ADAMTS9: variants seen among roughly 807,000 people sequenced by gnomAD.
ADAMTS9 encodes A disintegrin and metalloproteinase with thrombospondin motifs 9.
Under a neutral mutation model 257.1 loss-of-function variants are expected in ADAMTS9, and 107 were observed. The observed-to-expected ratio is 0.42, with a 90% CI of 0.36 to 0.49. The LOEUF is 0.49. Among genes scored for constraint, ADAMTS9 ranks in the 20% least tolerant of loss-of-function variants. ADAMTS9 has a pLI of 0.03. For synonymous variants in ADAMTS9, 982 were observed against 880.9 expected (o/e 1.11, Z -2.03); for missense variants, 2,353 against 2,469.1 (o/e 0.95, Z 1.00).
chr3:64,674,560 C>T (rs1377817884), intron 3 of ADAMTS9, among the ~76,000 whole-genome samples: 1 of 152,188 alleles, frequency 6.6e-6, no homozygotes, highest in East Asian at 1.9e-4. Flanking sequence ...TTGCCAAGTA[C>T]ACAGTTCCTT....
intron 21 of ADAMTS9, 24 bp downstream of exon 21, chr3:64,615,297 G>A: frequency 3.7e-6 from 6 of 1,610,520 alleles, no homozygotes; most frequent in African/African-American, 1.3e-5. Context: ...TGACCTAGGG[G>A]AAATAACAGC....
intron 29 of ADAMTS9, chr3:64,563,474 A>G (rs950372032): frequency 7.0e-6 from 1 of 143,174 alleles, no homozygotes; most frequent in Non-Finnish European, 1.6e-5. Context: ...ATGTTTTAAT[A>G]ACCTAAAGAA....
At chr3:64,653,200 C>T (rs1011175888) in intron 8 of ADAMTS9, among the ~76,000 whole-genome samples, 3 of 152,122 alleles carry the variant, frequency 2.0e-5, no homozygotes, top group African/African-American at 7.2e-5. Context: ...GATCAAGTCC[C>T]ACCGCCACTA....
intron 3 of ADAMTS9, among the ~76,000 whole-genome samples, chr3:64,675,446 G>A (rs1168585861): frequency 6.6e-6 from 1 of 152,094 alleles, no homozygotes; most frequent in East Asian, 1.9e-4. Context: ...GGGAGATTCT[G>A]TCTCTACAGT....
intron 38 of ADAMTS9, among the ~76,000 whole-genome samples, chr3:64,530,154 T>G (rs1334655782): frequency 6.6e-6 from 1 of 151,814 alleles, no homozygotes; most frequent in Non-Finnish European, 1.5e-5. Context: ...GCCCTGCAGG[T>G]GATGGTGAAG....
chr3:64,663,281 G>C (rs1701269891), intron 3 of ADAMTS9, among the ~76,000 whole-genome samples: 1 of 151,934 alleles, frequency 6.6e-6, no homozygotes, highest in Non-Finnish European at 1.5e-5. Flanking sequence ...CAATAAAGCT[G>C]TTTAAAAAAG....
intron 22 of ADAMTS9, among the ~76,000 whole-genome samples, 188 bp downstream of exon 22, chr3:64,613,157 G>A (rs895336884): frequency 8.5e-5 from 13 of 152,296 alleles, no homozygotes; most frequent in African/African-American, 2.4e-4. Context: ...CAGGAGGGCA[G>A]GCAGCAATCC....
In ADAMTS9 at chr3:64,516,045, G is replaced by C. The variant is rs1478175666; in HGVS notation, c.*1082C>G. On this transcript the variant is annotated 3_prime_UTR_variant, in exon 40 of 40. Coordinates refer to ENST00000498707, the MANE Select transcript of ADAMTS9 (RefSeq NM_182920.2). ...ACTGCAGCGGGCATGAAAACCGGCA[G>C]GGTGTTAGGCTCATGGCCTGAAGAG... 6.6e-6 allele frequency: 1 copy of C among 152,218 alleles called. No homozygotes were observed. The highest frequency in any genetic ancestry group is 1.9e-4 in the East Asian group (1 of 5,196). The allele number at this position is 152,218 out of a possible 1,614,324, so 9.4% of individuals were successfully genotyped here.
intron 29 of ADAMTS9, among the ~76,000 whole-genome samples, chr3:64,567,488 A>G (rs2106677631): frequency 6.6e-6 from 1 of 152,292 alleles, no homozygotes; most frequent in South Asian, 2.1e-4. Flanking sequence ...AACCAAACTA[A>G]GAAAATGTGC....
rs757923390 is a variant in ADAMTS9, at chr3:64,533,221, G to C, written c.5663C>G (p.Ser1888Cys). The change falls in exon 38 of 40, where the codon TCT becomes TGT. Residue 1888 changes from serine to cysteine, a missense_variant. By Grantham distance (112) the Ser-to-Cys change is moderately radical (BLOSUM62 -1). This residue lies in a region of ADAMTS9 where 1,402 missense variants were observed against 1,441.4 expected (regional missense o/e 0.97). Transcript: ENST00000498707. The stretch of plus-strand genomic sequence containing the variant: ...ATTCCCTTGTGATATCCATCTGGCA[G>C]ATTCAGTTAAAGACAAGCCGGTTCC... ...LYGTGLSLTESARWISQGNYA... is the reference protein window; with the variant it reads ...LYGTGLSLTECARWISQGNYA... The C allele has an allele frequency of 1.9e-6, 3 of 1,607,262 alleles. No individual in the cohort carries two copies. In the Admixed American group the frequency reaches 5.0e-5, roughly 27 times the overall value.
chr3:64,647,683 G>C (rs1700831640), intron 11 of ADAMTS9, among the ~76,000 whole-genome samples: 1 of 152,224 alleles, frequency 6.6e-6, no homozygotes, highest in African/African-American at 2.4e-5. Context: ...TTAAATGAGA[G>C]AAAGTCTTAA....
intron 37 of ADAMTS9, among the ~76,000 whole-genome samples, chr3:64,536,505 G>C (rs376044509): frequency 1.3e-5 from 2 of 152,186 alleles, no homozygotes; most frequent in African/African-American, 4.8e-5. Context: ...CTGTTGTACA[G>C]GAGCAAATGT....
At position 64,615,503 on chromosome 3, in the gene ADAMTS9, A is replaced by G; in HGVS notation, c.3025-18T>C. On this transcript the variant is annotated intron_variant, in intron 20 of 39. Transcript: ENST00000498707. The stretch of plus-strand genomic sequence containing the variant: ...TTTGAACACTGTAGGGACAAAATAA[A>G]TAAATAAAACTGTTGCTAAGTTTCT... 6.3e-7 allele frequency: 1 copy of G among 1,593,568 alleles called. No individual in the cohort carries two copies. Among genetic ancestry groups the G allele is most frequent in the Non-Finnish European group, 8.5e-7 (1 of 1,172,476 alleles).
chr3:64,568,000 T>C (rs2083584467), intron 29 of ADAMTS9, among the ~76,000 whole-genome samples: 1 of 152,194 alleles, frequency 6.6e-6, no homozygotes, highest in Non-Finnish European at 1.5e-5. Context: ...TGAGACTCAA[T>C]TTCTGCCAGG....
At chr3:64,679,533 A>G (rs1304208847) in intron 3 of ADAMTS9, among the ~76,000 whole-genome samples, 1 of 152,234 alleles carries the variant, frequency 6.6e-6, no homozygotes, top group East Asian at 1.9e-4. Context: ...ACAGAATAAA[A>G]CAATAATAAA....
At chr3:64,615,892 C>G in intron 20 of ADAMTS9, 68 bp downstream of exon 20, 3 of 1,585,790 alleles carry the variant, frequency 1.9e-6, no homozygotes, top group Non-Finnish European at 2.6e-6. Flanking sequence ...GCTTACACAC[C>G]TGCAAGGAGC....
Position 64,622,551 on chromosome 3 carries a change from C to A in ADAMTS9, c.2425G>T (p.Gly809Ter). 1 of 1,614,064 alleles carries A rather than the reference C, an allele frequency of 6.2e-7. No homozygotes were observed. Among genetic ancestry groups the A allele is most frequent in the Non-Finnish European group, 8.5e-7 (1 of 1,179,976 alleles). ...SSSKGEFLLNGNFVVTMAKRE... is the reference protein window; with the variant it reads ...SSSKGEFLLN ...TTGGCCATTGTGACAACAAAGTTTC[C>A]ATTTAGCAAGAATTCACCTTTACTG... is the stretch of plus-strand genomic sequence containing the variant. Residue 809 changes from glycine to a stop codon, truncating the protein, a stop_gained, in exon 17 of 40, where the codon GGA (glycine) becomes TGA (stop). Transcript: ENST00000498707. LOFTEE classifies it high-confidence loss of function.
intron 3 of ADAMTS9, among the ~76,000 whole-genome samples, chr3:64,665,596 G>C (rs917907519): frequency 3.9e-5 from 6 of 152,326 alleles, no homozygotes; most frequent in Middle Eastern, 6.8e-3. Context: ...ATTTAAGGTA[G>C]AGTGACTAAG....
At chr3:64,601,186 G>A (rs1028005069) in intron 26 of ADAMTS9, among the ~76,000 whole-genome samples, 3 of 152,038 alleles carry the variant, frequency 2.0e-5, no homozygotes, top group East Asian at 1.9e-4. Flanking sequence ...GACAACTGTC[G>A]ACATTTATTA....
Sources: gnomAD v4.1 joint callset for allele counts (sites outside exome capture counted in the v4.1 genomes callset) on GRCh38, gnomAD v4.1.1 for gene constraint, gnomAD v4.1.1 regional missense constraint, MANE v1.5 for transcripts, NCBI Gene and HGNC (gene_info 2026-07-23, HGNC 2026-07-21) for gene names.